Variants in ACYP2 observed in about 807,000 individuals in gnomAD.
ACYP2 encodes acylphosphatase 2.
A neutral mutation model predicts 11.2 loss-of-function variants in ACYP2; 12 were observed. That is an observed-to-expected ratio of 1.08 (90% CI 0.69 to 1.74). The LOEUF (loss-of-function observed/expected upper bound fraction) is 1.74. ACYP2 is among the 40% of genes most tolerant of loss of function. The probability of loss-of-function intolerance (pLI) is 0.00; values close to 1 mark genes in which losing one functional copy is unlikely to be tolerated. For missense variants in ACYP2, 134 were observed against 101.9 expected, an observed-to-expected ratio of 1.31 and a Z score of -1.35; for synonymous variants, 43 against 32.2, an observed-to-expected ratio of 1.33 and a Z score of -1.13.
chr2:54,077,144 A>G (rs538924171), intron 4 of ACYP2, among the ~76,000 whole-genome samples: 1 of 152,196 alleles, frequency 6.6e-6, no homozygotes, highest in Non-Finnish European at 1.5e-5. Context: ...GTTGAAATGT[A>G]AGATACATTT....
At chr2:54,170,950 A>G (rs1683197351) in intron 6 of ACYP2, among the ~76,000 whole-genome samples, 1 of 152,128 alleles carries the variant, frequency 6.6e-6, no homozygotes, top group Non-Finnish European at 1.5e-5. Flanking sequence ...AGTCAATCAC[A>G]GGGAAATGCC....
intron 6 of ACYP2, among the ~76,000 whole-genome samples, chr2:54,197,555 AGGAGTGCTTGG>A (rs1464220850): frequency 6.6e-6 from 1 of 152,240 alleles, no homozygotes; most frequent in East Asian, 1.9e-4. Flanking sequence ...GTTGTGTGAC[AGGAGTGCTTGG>A]GGAACTCCTT....
At chr2:54,094,336 TCCTGCCTCAGCCTA>T (rs1316900047) in intron 4 of ACYP2, among the ~76,000 whole-genome samples, 6 of 151,786 alleles carry the variant, frequency 4.0e-5, no homozygotes, top group Admixed American at 3.9e-4. Context: ...CAAGCAATTC[TCCTGCCTCAGCCTA>T]CCAAATAGCT....
At chr2:54,041,818 T>C (rs1447260515) in intron 2 of ACYP2, among the ~76,000 whole-genome samples, 1 of 151,990 alleles carries the variant, frequency 6.6e-6, no homozygotes, top group South Asian at 2.1e-4. Context: ...TAGAGTGGGG[T>C]CTTGCTCTGT....
chr2:54,237,874 A>C (rs964041678), intron 6 of ACYP2, among the ~76,000 whole-genome samples: 1 of 151,948 alleles, frequency 6.6e-6, no homozygotes, highest in Non-Finnish European at 1.5e-5. Context: ...CCTTCTATCT[A>C]TCTAACTTTC....
At chr2:54,236,205 G>A (rs1405278134) in intron 6 of ACYP2, among the ~76,000 whole-genome samples, 1 of 151,944 alleles carries the variant, frequency 6.6e-6, no homozygotes, top group Non-Finnish European at 1.5e-5. Flanking sequence ...CAAAGTGCTG[G>A]GATTACTAAA....
chr2:54,115,668 C>G, intron 4 of ACYP2: 1 of 1,605,614 alleles, frequency 6.2e-7, no homozygotes, highest in Non-Finnish European at 8.5e-7. Flanking sequence ...GAGCCCCTCT[C>G]CGGCTCCTCA....
At chr2:54,304,101 T>C (rs960298712) in intron 6 of ACYP2, among the ~76,000 whole-genome samples, 1 of 152,194 alleles carries the variant, frequency 6.6e-6, no homozygotes, top group African/African-American at 2.4e-5. Flanking sequence ...TTAATATATG[T>C]GGTAAGAAAC....
chr2:54,227,718 A>G (rs1490721046), intron 6 of ACYP2, among the ~76,000 whole-genome samples: 2 of 152,130 alleles, frequency 1.3e-5, no homozygotes, highest in Admixed American at 6.6e-5. Context: ...AAATTATCAG[A>G]GTGGTAATAC....
intron 6 of ACYP2, among the ~76,000 whole-genome samples, chr2:54,165,196 C>G (rs1055194306): frequency 6.6e-6 from 1 of 152,124 alleles, no homozygotes; most frequent in Non-Finnish European, 1.5e-5. Context: ...CTTGGAGACA[C>G]TGTATAGACT....
intron 4 of ACYP2, among the ~76,000 whole-genome samples, chr2:54,129,332 T>C (rs1378996002): frequency 6.6e-6 from 1 of 152,146 alleles, no homozygotes; most frequent in East Asian, 1.9e-4. Flanking sequence ...GAAGTCTTGC[T>C]TTGTTGCCCA....
chr2:54,280,304 A>AC, intron 6 of ACYP2, among the ~76,000 whole-genome samples: 1 of 152,284 alleles, frequency 6.6e-6, no homozygotes, highest in East Asian at 1.9e-4. Flanking sequence ...AAAGTCTGTG[A>AC]CTGCCCAGAT....
chr2:54,182,204 C>G (rs1434906046), intron 6 of ACYP2, among the ~76,000 whole-genome samples: 1 of 151,422 alleles, frequency 6.6e-6, no homozygotes, highest in Non-Finnish European at 1.5e-5. Context: ...GGATTACAGG[C>G]GCCCGCCACC....
At position 53,992,058 on chromosome 2, in the gene ACYP2, TTTCCTTCCTTTTTTCCCCTTCCTTCC is replaced by T. The variant is rs1672324456; in HGVS notation, c.62+18259_62+18284del. Among the ~76,000 whole-genome samples the T allele has an allele frequency of 2.0e-5, 3 of 151,146 alleles. No homozygotes were observed. In the South Asian group the frequency reaches 6.4e-4, roughly 32 times the overall value. ...TCCTTCCTCCCTCCTTCCCTCCCTC[TTTCCTTCCTTTTTTCCCCTTCCTTCC>T]TTCCTTCCTTCCTCCTTCCCTCCCT... is the stretch of plus-strand genomic sequence containing the variant. On this transcript the variant is annotated intron_variant, in intron 2 of 6. Transcript: ENST00000607452.
chr2:54,249,908 TCCA>T (rs1231908835), intron 6 of ACYP2, among the ~76,000 whole-genome samples: 3 of 119,204 alleles, frequency 2.5e-5, no homozygotes, highest in African/African-American at 9.9e-5. Context: ...ACCACTGCAC[TCCA>T]GCCTTGGCAA....
chr2:54,120,614 G>A (rs543373572), intron 4 of ACYP2, among the ~76,000 whole-genome samples: 11 of 152,252 alleles, frequency 7.2e-5, no homozygotes, highest in African/African-American at 1.9e-4. Context: ...AAATCTCCAC[G>A]GCTAGTGGCA....
intron 2 of ACYP2, among the ~76,000 whole-genome samples, chr2:54,006,684 A>G (rs1267437412): frequency 2.0e-5 from 3 of 152,190 alleles, no homozygotes; most frequent in African/African-American, 4.8e-5. Context: ...CCCAGGCTAG[A>G]GTGCAGTGGG....
chr2:54,036,681 C>A (rs546406654), intron 2 of ACYP2, among the ~76,000 whole-genome samples: 1 of 152,278 alleles, frequency 6.6e-6, no homozygotes, highest in South Asian at 2.1e-4. Context: ...CTTCTCTTTG[C>A]CTTGACTTCA....
chr2:54,022,195 TCC>T (rs1674041979), intron 2 of ACYP2, among the ~76,000 whole-genome samples: 1 of 152,074 alleles, frequency 6.6e-6, no homozygotes, highest in African/African-American at 2.4e-5. Context: ...TTTCCTTCCT[TCC>T]CTCCTTCCTT....
Sources: allele counts gnomAD v4.1 joint callset (sites outside exome capture counted in the v4.1 genomes callset), GRCh38; gene constraint gnomAD v4.1.1; transcripts MANE v1.5; gene names NCBI Gene and HGNC (gene_info 2026-07-23, HGNC 2026-07-21).